Variants in SYNPR observed in about 807,000 individuals in gnomAD.
The protein encoded by SYNPR is synaptoporin.
In SYNPR, 23 loss-of-function variants were observed where a neutral mutation model predicts 32.9. That is an observed-to-expected ratio of 0.70 (90% confidence interval 0.50 to 0.99). SYNPR has a LOEUF of 0.99. SYNPR is among the 50% of genes least tolerant of loss of function. SYNPR has a pLI of 0.00. For missense variants in SYNPR, 318 were observed against 349.3 expected, an observed-to-expected ratio of 0.91 and a Z score of 0.71; for synonymous variants, 146 against 135.9, an observed-to-expected ratio of 1.07 and a Z score of -0.52.
At chr3:63,369,788 T>C (rs2107049747) in intron 2 of SYNPR, among the ~76,000 whole-genome samples, 1 of 152,326 alleles carries the variant, frequency 6.6e-6, no homozygotes, top group Middle Eastern at 3.4e-3. Flanking sequence ...AATCAGCTAA[T>C]ACCATATTTT....
chr3:63,454,828 C>A (rs1429896987), intron 2 of SYNPR, among the ~76,000 whole-genome samples: 1 of 151,994 alleles, frequency 6.6e-6, no homozygotes, highest in Admixed American at 6.6e-5. Context: ...TAGGTTTAAA[C>A]TATTACCATT....
chr3:63,584,636 C>T (rs1703151158), intron 4 of SYNPR, among the ~76,000 whole-genome samples: 3 of 151,914 alleles, frequency 2.0e-5, no homozygotes, highest in Admixed American at 6.6e-5. Context: ...AAATCGGGTC[C>T]GTGGGTAATA....
At chr3:63,288,153 A>T (rs1054034643) in intron 2 of SYNPR, among the ~76,000 whole-genome samples, 1 of 152,222 alleles carries the variant, frequency 6.6e-6, no homozygotes, top group Non-Finnish European at 1.5e-5. Context: ...CCCAGGCAAT[A>T]TCATAAGTCA....
chr3:63,308,183 A>T (rs1339816379), intron 2 of SYNPR, among the ~76,000 whole-genome samples: 1 of 152,022 alleles, frequency 6.6e-6, no homozygotes, highest in Admixed American at 6.6e-5. Context: ...TAATTGTTGG[A>T]ACTTTTTATT....
chr3:63,273,647 A>G (rs2086553869), upstream of SYNPR, among the ~76,000 whole-genome samples: 1 of 152,210 alleles, frequency 6.6e-6, no homozygotes, highest in Non-Finnish European at 1.5e-5. Flanking sequence ...TAGTAAAAGC[A>G]TTTTATAATT....
chr3:63,560,600 T>C (rs1053234697), intron 4 of SYNPR, among the ~76,000 whole-genome samples: 3 of 152,168 alleles, frequency 2.0e-5, no homozygotes, highest in Admixed American at 2.0e-4. Context: ...TGGCCTGAGA[T>C]TAGGTAATTT....
intron 2 of SYNPR, among the ~76,000 whole-genome samples, chr3:63,402,102 G>T (rs2088300423): frequency 6.6e-6 from 1 of 152,148 alleles, no homozygotes; most frequent in Admixed American, 6.5e-5. Context: ...TGCAGAGGAA[G>T]GAGGCCCTGC....
intron 2 of SYNPR, among the ~76,000 whole-genome samples, chr3:63,408,366 AAG>A (rs1297088284): frequency 6.6e-6 from 1 of 151,102 alleles, no homozygotes; most frequent in African/African-American, 2.4e-5. Context: ...GAAAGAAAGA[AAG>A]AAAGAAAGAA....
chr3:63,551,972 G>A (rs1023330801), intron 3 of SYNPR, among the ~76,000 whole-genome samples: 64 of 151,870 alleles, frequency 4.2e-4, no homozygotes, highest in African/African-American at 1.5e-3. Context: ...GTTTTGGCTC[G>A]CTGCAACCTC....
chr3:63,331,662 A>C (rs1195316217), intron 2 of SYNPR, among the ~76,000 whole-genome samples: 26 of 152,128 alleles, frequency 1.7e-4, no homozygotes, highest in Non-Finnish European at 1.5e-5. Context: ...GGAACTTAAA[A>C]AAATTATTTA....
chr3:63,347,101 A>T (rs2087447826), intron 2 of SYNPR, among the ~76,000 whole-genome samples: 2 of 152,202 alleles, frequency 1.3e-5, no homozygotes, highest in Admixed American at 1.3e-4. Flanking sequence ...AATGTAACTA[A>T]TGCAATGTTT....
chr3:63,296,734 A>C (rs2086794537), intron 2 of SYNPR, among the ~76,000 whole-genome samples: 1 of 152,226 alleles, frequency 6.6e-6, no homozygotes, highest in African/African-American at 2.4e-5. Flanking sequence ...TCAGTCAACC[A>C]GTGGAATCTC....
intron 2 of SYNPR, among the ~76,000 whole-genome samples, chr3:63,254,841 G>A (rs1321406607): frequency 6.6e-6 from 1 of 152,150 alleles, no homozygotes; most frequent in Non-Finnish European, 1.5e-5. Flanking sequence ...GAAAGCATTA[G>A]GGTGGGCCCT....
intron 2 of SYNPR, among the ~76,000 whole-genome samples, chr3:63,288,061 T>G (rs985194837): frequency 1.3e-5 from 2 of 152,200 alleles, no homozygotes; most frequent in Non-Finnish European, 2.9e-5. Flanking sequence ...CTTGTCATTA[T>G]TCTTATCTAA....
rs371187962 is a variant in SYNPR at position 63,366,591 on chromosome 3, A to C, written c.84+87849A>C. ...TTAAGAAAATAAACCAATATAAGACACAATTCCTTCTTGCTGACAGGTCAC... is the reference window on the plus strand; with the variant it reads ...TTAAGAAAATAAACCAATATAAGACCCAATTCCTTCTTGCTGACAGGTCAC... On this transcript the variant is annotated intron_variant, in intron 2 of 5. Transcript: ENST00000478300. Among the ~76,000 whole-genome samples the C allele has an allele frequency of 6.6e-5, 10 of 152,314 alleles. No homozygotes were observed. The East Asian group carries it at 1.9e-3, about 29-fold the overall frequency.
intron 2 of SYNPR, among the ~76,000 whole-genome samples, chr3:63,295,648 A>G (rs1383855299): frequency 6.6e-6 from 1 of 152,234 alleles, no homozygotes; most frequent in Non-Finnish European, 1.5e-5. Flanking sequence ...CTGAAGTTCA[A>G]AGCAAGTACT....
At chr3:63,453,393 A>G (rs1013503755) in intron 2 of SYNPR, among the ~76,000 whole-genome samples, 3 of 152,154 alleles carry the variant, frequency 2.0e-5, no homozygotes, top group Non-Finnish European at 4.4e-5. Flanking sequence ...AGGACCACCT[A>G]CATGAAAATC....
At chr3:63,416,196 C>T (rs926555382) in intron 2 of SYNPR, among the ~76,000 whole-genome samples, 5 of 152,108 alleles carry the variant, frequency 3.3e-5, no homozygotes, top group Admixed American at 1.3e-4. Flanking sequence ...TGTGTGTTTA[C>T]GTGCAGTCAC....
At chr3:63,422,622 C>T (rs1466149136) in intron 2 of SYNPR, among the ~76,000 whole-genome samples, 1 of 152,106 alleles carries the variant, frequency 6.6e-6, no homozygotes, top group East Asian at 1.9e-4. Flanking sequence ...AAAACATTTT[C>T]ACCCATCAGA....
Sources: allele counts gnomAD v4.1 joint callset (sites outside exome capture counted in the v4.1 genomes callset), GRCh38; gene constraint gnomAD v4.1.1; transcripts MANE v1.5; gene names NCBI Gene and HGNC (gene_info 2026-07-23, HGNC 2026-07-21).